The following CDK20 variants were observed in gnomAD, a reference collection of about 807,000 sequenced individuals.
CDK20 encodes cyclin dependent kinase 20, also known as cyclin-dependent kinase 20.
Under a neutral mutation model 38.6 loss-of-function variants are expected in CDK20, and 40 were observed. That is an observed-to-expected ratio of 1.04 (90% CI 0.81 to 1.35). CDK20 has a LOEUF of 1.35. CDK20 is among the 40% of genes most tolerant of loss of function. The pLI is 0.00. For synonymous variants in CDK20, 209 were observed against 185.7 expected (o/e 1.13, Z -1.02); for missense variants, 512 against 452.6 (o/e 1.13, Z -1.19).
intron 7 of CDK20, 186 bp from the exon 8 acceptor site, chr9:87,967,845 GCT>G (rs1829538106): frequency 3.6e-6 from 2 of 551,368 alleles, no homozygotes; most frequent in Non-Finnish European, 6.3e-6. Flanking sequence ...ACAGACAAAA[GCT>G]CTGTTTTTCT....
Position 87,971,169 on chromosome 9 carries a change from T to C in CDK20, c.356A>G (p.His119Arg). The C allele has an allele frequency of 6.2e-7, 1 of 1,614,140 alleles. No homozygotes were observed. The highest frequency in any genetic ancestry group is 1.7e-5 in the Admixed American group (1 of 60,022). ...GACCCGATGTACAATGTTGTTGGCATGGCAGAAGGCGACACCCTTGAGCAG... is the reference window on the plus strand; with the variant it reads ...GACCCGATGTACAATGTTGTTGGCACGGCAGAAGGCGACACCCTTGAGCAG... ...QMLLKGVAFC[H>R]ANNIVHRDLK... The change falls in exon 3 of 8, where the codon CAT (histidine) becomes CGT (arginine). Residue 119 changes from histidine to arginine, a missense_variant. His to Arg is a conservative substitution (Grantham distance 29). Coordinates refer to ENST00000325303, the MANE Select transcript of CDK20 (RefSeq NM_001039803.3).
rs1051548440 is a variant in CDK20 at position 87,974,357 on chromosome 9, G to A, written c.75+15C>T. Reference sequence around the variant, plus strand: ...GCACACCCCCGCCAGGCTGCCGGCCGCGGTCCAGCCTCACCTCCACGTGCT... The same window carrying A: ...GCACACCCCCGCCAGGCTGCCGGCCACGGTCCAGCCTCACCTCCACGTGCT... On this transcript the variant is annotated intron_variant, in intron 1 of 7. Coordinates refer to ENST00000325303, the MANE Select transcript of CDK20 (RefSeq NM_001039803.3). The A allele has an allele frequency of 1.2e-6, 2 of 1,609,756 alleles. No individual in the cohort carries two copies. Among genetic ancestry groups the A allele is most frequent in the African/African-American group, 1.3e-5 (1 of 74,896 alleles).
In CDK20 at chr9:87,969,866, C is replaced by A; in HGVS notation, c.617G>T (p.Gly206Val). The A allele has an allele frequency of 1.9e-6, 3 of 1,608,460 alleles. No homozygotes were observed. Among genetic ancestry groups the A allele is most frequent in the Middle Eastern group, 1.7e-4 (1 of 6,020 alleles). The part of the protein sequence containing the change: ...ELLNGSPLFP[G>V]KNDIEQLCYV... ...GCAAAGCTGTTCAATATCGTTCTTG[C>A]CCGGGAAAAGGGGGGACCCATTCAA... The change falls in exon 6 of 8, where the codon GGC becomes GTC. Residue 206 changes from glycine to valine, a missense_variant. Gly to Val is a moderately radical substitution (Grantham distance 109). Coordinates refer to ENST00000325303, the MANE Select transcript of CDK20 (RefSeq NM_001039803.3).
At position 87,974,440 on chromosome 9, in the gene CDK20, G is replaced by C. The variant is rs758198659; in HGVS notation, c.7C>G (p.Gln3Glu). Residue 3 changes from glutamine to glutamate, a missense_variant, in exon 1 of 8, where the codon CAG (glutamine) becomes GAG (glutamate). Gln to Glu is a conservative substitution (Grantham distance 29). Transcript: ENST00000325303. MDQYCILGRIGEG... is the reference protein window; with the variant it reads MDEYCILGRIGEG... The stretch of plus-strand genomic sequence containing the variant: ...CCGATGCGGCCCAGGATGCAGTACT[G>C]GTCCATCCCGCTGCAGTCGTGGGCC... 1.2e-6 allele frequency: 2 copies of C among 1,612,056 alleles called. No individual in the cohort carries two copies. The highest frequency in any genetic ancestry group is 8.5e-7 in the Non-Finnish European group (1 of 1,179,710).
chr9:87,969,642 G>T (rs1342984874), intron 6 of CDK20, 154 bp downstream of exon 6: 2 of 1,210,776 alleles, frequency 1.7e-6, no homozygotes, highest in African/African-American at 1.5e-5. Context: ...ACAGCAGGAA[G>T]GAGGAAGCCC....
At chr9:87,971,732 T>C (rs544659366) in intron 2 of CDK20, among the ~76,000 whole-genome samples, 51 of 152,268 alleles carry the variant, frequency 3.3e-4, no homozygotes, top group African/African-American at 1.2e-3. Context: ...CCTTTCCCAG[T>C]GCTGGGACAG....
chr9:87,974,193 G>A, intron 1 of CDK20, 158 bp from the exon 2 acceptor site: 1 of 1,349,724 alleles, frequency 7.4e-7, no homozygotes, highest in Non-Finnish European at 1.0e-6. Flanking sequence ...CAGCCGCTGG[G>A]GTAGGGGACC....
chr9:87,966,746 C>A lies in CDK20; in HGVS notation c.*716G>T, dbSNP rs1314251049. The stretch of plus-strand genomic sequence containing the variant: ...TAAACCAGCCTCATGTGCAGAGGGT[C>A]TCCTGCTGGATCCCCAACTGGAGCC... On this transcript the variant is annotated 3_prime_UTR_variant, in exon 8 of 8. Transcript: ENST00000325303. 3.2e-6 allele frequency: 1 copy of A among 311,312 alleles called. No homozygotes were observed. Among genetic ancestry groups the A allele is most frequent in the Non-Finnish European group, 6.3e-6 (1 of 158,288 alleles). The allele number at this position is 311,312 out of a possible 1,614,324, so 19.3% of individuals were successfully genotyped here. A position where few individuals can be genotyped will look rare whatever the true frequency, so the allele number is the denominator to read the frequency against.
Position 87,966,964 on chromosome 9 carries a change from G to A in CDK20, c.*498C>T. 1 of 439,494 alleles carries A rather than the reference G, an allele frequency of 2.3e-6. No individual in the cohort carries two copies. The highest frequency in any genetic ancestry group is 1.6e-5 in the South Asian group (1 of 61,348). The allele number at this position is 439,494 out of a possible 1,614,324, so 27.2% of individuals were successfully genotyped here. The stretch of plus-strand genomic sequence containing the variant: ...GAAATGAAGGAGGAACAGACATAAG[G>A]CAGAGCCACCTGAGGTTTTTAGAAT... On this transcript the variant is annotated 3_prime_UTR_variant, in exon 8 of 8. Coordinates refer to ENST00000325303, the MANE Select transcript of CDK20 (RefSeq NM_001039803.3).
chr9:87,973,798 T>A lies in CDK20; in HGVS notation c.189+124A>T, dbSNP rs1204687903. 4.1e-6 allele frequency: 4 copies of A among 977,012 alleles called. No individual in the cohort carries two copies. In the African/African-American group the frequency reaches 6.4e-5, roughly 16 times the overall value. The allele number at this position is 977,012 out of a possible 1,614,324, so 60.5% of individuals were successfully genotyped here. A position where few individuals can be genotyped will look rare whatever the true frequency, so the allele number is the denominator to read the frequency against. On this transcript the variant is annotated intron_variant, in intron 2 of 7. Transcript: ENST00000325303. ...AGGAGGCAGATGAATGAGCAGTGTG[T>A]GTGAGTGACAGCGGGAGGAAATCCC...
intron 1 of CDK20, 166 bp downstream of exon 1, chr9:87,974,206 G>C (rs1192910844): frequency 7.7e-7 from 1 of 1,300,212 alleles, no homozygotes; most frequent in East Asian, 2.4e-5. Flanking sequence ...AGGGGACCAA[G>C]CCAGCTGTGC....
chr9:87,969,660 G>T, intron 6 of CDK20, 136 bp downstream of exon 6: 1 of 1,382,088 alleles, frequency 7.2e-7, no homozygotes, highest in Non-Finnish European at 1.0e-6. Context: ...CCCTGAGTTG[G>T]GCCAGGACAG....
chr9:87,973,879 G>C, intron 2 of CDK20, 43 bp downstream of exon 2: 2 of 1,587,332 alleles, frequency 1.3e-6, no homozygotes, highest in Non-Finnish European at 1.7e-6. Context: ...GTGGGAACGA[G>C]CGACTGAGGG....
In CDK20 at chr9:87,969,620, C is replaced by T. The variant is rs1235218428; in HGVS notation, c.687+176G>A. ...AAAGGGACAAAGGACAGGATCTACC[C>T]CAACCCAAATGACAGCAGGAAGGAG... On this transcript the variant is annotated intron_variant, in intron 6 of 7. Coordinates refer to ENST00000325303, the MANE Select transcript of CDK20 (RefSeq NM_001039803.3). 2.9e-6 allele frequency: 3 copies of T among 1,046,378 alleles called. No individual in the cohort carries two copies. The Admixed American group carries it at 7.0e-5, about 24-fold the overall frequency. The allele number at this position is 1,046,378 out of a possible 1,614,324, so 64.8% of individuals were successfully genotyped here. A position where few individuals can be genotyped will look rare whatever the true frequency, so the allele number is the denominator to read the frequency against.
At chr9:87,971,763 CTG>C (rs1829876015) in intron 2 of CDK20, among the ~76,000 whole-genome samples, 1 of 152,158 alleles carries the variant, frequency 6.6e-6, no homozygotes, top group African/African-American at 2.4e-5. Context: ...ATCACAAACA[CTG>C]AGGCCAGTAC....
chr9:87,967,695 T>C (rs1829528912), intron 7 of CDK20, 36 bp from the exon 8 acceptor site: 1 of 1,444,780 alleles, frequency 6.9e-7, no homozygotes, highest in Non-Finnish European at 9.2e-7. Context: ...AGAAGGAAAC[T>C]AGTCACCTCC....
At chr9:87,973,282 C>G (rs1829991514) in intron 2 of CDK20, among the ~76,000 whole-genome samples, 2 of 152,154 alleles carry the variant, frequency 1.3e-5, no homozygotes, top group East Asian at 1.9e-4. Flanking sequence ...GGTACCCTAT[C>G]ACAGCACGAA....
intron 6 of CDK20, 55 bp from the exon 7 acceptor site, chr9:87,969,404 T>C (rs1829690370): frequency 6.4e-7 from 1 of 1,573,880 alleles, no homozygotes; most frequent in Admixed American, 1.7e-5. Context: ...ACCCTTGCCA[T>C]GCTCTCTGCT....
At chr9:87,969,490 A>G (rs775851328) in intron 6 of CDK20, 141 bp from the exon 7 acceptor site, 2 of 927,780 alleles carry the variant, frequency 2.2e-6, no homozygotes, top group East Asian at 2.6e-5. Flanking sequence ...CCCATCATTC[A>G]TTCACTCACC....
Sources: allele counts gnomAD v4.1 joint callset (sites outside exome capture counted in the v4.1 genomes callset), GRCh38; gene constraint gnomAD v4.1.1; transcripts MANE v1.5; gene names NCBI Gene and HGNC (gene_info 2026-07-23, HGNC 2026-07-21).